Variants in GPC6 observed in about 807,000 individuals in gnomAD.
The protein encoded by GPC6 is glypican-6.
A neutral mutation model predicts 55.2 loss-of-function variants in GPC6; 14 were observed. The observed-to-expected ratio is 0.25, with a 90% CI of 0.17 to 0.40. GPC6 has a LOEUF of 0.40. Ranked by LOEUF, GPC6 falls within the 10% of genes least tolerant of loss-of-function variation. GPC6 has a pLI of 1.00. For synonymous variants in GPC6, 278 were observed against 259.6 expected, an observed-to-expected ratio of 1.07 and a Z score of -0.68; for missense variants, 641 against 708.5, an observed-to-expected ratio of 0.90 and a Z score of 1.08.
At chr13:93,799,569 T>C (rs1216140698) in intron 2 of GPC6, among the ~76,000 whole-genome samples, 1 of 152,090 alleles carries the variant, frequency 6.6e-6, no homozygotes, top group African/African-American at 2.4e-5. Flanking sequence ...TATTGACAGA[T>C]TGTAGAGGGG....
At chr13:94,096,501 A>T (rs967064181) in intron 4 of GPC6, among the ~76,000 whole-genome samples, 1 of 152,104 alleles carries the variant, frequency 6.6e-6, no homozygotes, top group Non-Finnish European at 1.5e-5. Context: ...ATCCATTATC[A>T]CATATGATTT....
chr13:93,456,793 A>G (rs1878469443), intron 1 of GPC6, among the ~76,000 whole-genome samples: 1 of 151,980 alleles, frequency 6.6e-6, no homozygotes, highest in African/African-American at 2.4e-5. Flanking sequence ...TTTGTGGGCA[A>G]TTTCTGGTGT....
In GPC6 at chr13:93,378,996, G is replaced by GAAA. The variant is rs71202582; in HGVS notation, c.160+151391_160+151393dup. 1.8e-3 allele frequency among the ~76,000 whole-genome samples: 248 copies of GAAA among 136,974 alleles called. 2 individuals carry two copies. Among genetic ancestry groups the GAAA allele is most frequent in the Middle Eastern group, 0.015 (4 of 270 alleles). The allele number at this position is 136,974 out of a possible 152,430, so 89.9% of individuals were successfully genotyped here. A position where few individuals can be genotyped will look rare whatever the true frequency, so the allele number is the denominator to read the frequency against. On this transcript the variant is annotated intron_variant, in intron 1 of 8. Transcript: ENST00000377047. Reference sequence around the variant, plus strand: ...GGTGACAAAGCAAAACTCCATCTCAGAAAAAAAAAAAAATCAGCATAAAGG... The same window carrying GAAA: ...GGTGACAAAGCAAAACTCCATCTCAGAAAAAAAAAAAAAAAATCAGCATAAAGG...
chr13:94,398,448 T>C lies in GPC6; in HGVS notation c.1290-18T>C. 6.3e-7 allele frequency: 1 copy of C among 1,599,334 alleles called. No individual in the cohort carries two copies. Among genetic ancestry groups the C allele is most frequent in the Non-Finnish European group, 8.6e-7 (1 of 1,166,786 alleles). On this transcript the variant is annotated intron_variant, in intron 7 of 8. Coordinates refer to ENST00000377047, the MANE Select transcript of GPC6 (RefSeq NM_005708.5). ...TGTGGCATCTCCCTGAGGTGTTCTC[T>C]CACTCTCTGCCTTGCAGATACTTGC...
chr13:93,443,625 A>C (rs1437851152), intron 1 of GPC6, among the ~76,000 whole-genome samples: 2 of 152,176 alleles, frequency 1.3e-5, no homozygotes, highest in African/African-American at 4.8e-5. Flanking sequence ...TTAAAATGAG[A>C]GTGAAATTTT....
intron 4 of GPC6, among the ~76,000 whole-genome samples, chr13:94,029,220 A>C (rs1883020359): frequency 6.6e-6 from 1 of 152,242 alleles, no homozygotes; most frequent in African/African-American, 2.4e-5. Context: ...TTTGCTTAGA[A>C]AGGCCAGAGG....
At chr13:94,146,009 T>C (rs1381014293) in intron 4 of GPC6, among the ~76,000 whole-genome samples, 1 of 152,170 alleles carries the variant, frequency 6.6e-6, no homozygotes, top group East Asian at 1.9e-4. Flanking sequence ...CATAAAAGGA[T>C]CAGATGAATA....
intron 4 of GPC6, among the ~76,000 whole-genome samples, chr13:94,166,615 C>G (rs116533570): frequency 0.018 from 2,677 of 152,262 alleles, 87 homozygotes; most frequent in African/African-American, 0.061. Flanking sequence ...TCCCCCTGCA[C>G]CATACATTAT....
chr13:94,200,360 T>C (rs145670117), intron 4 of GPC6, among the ~76,000 whole-genome samples: 110 of 152,288 alleles, frequency 7.2e-4, no homozygotes, highest in African/African-American at 2.6e-3. Flanking sequence ...GGGTCCTGTA[T>C]AGAGCACATG....
chr13:94,198,664 G>A (rs1889655423), intron 4 of GPC6, among the ~76,000 whole-genome samples: 1 of 152,150 alleles, frequency 6.6e-6, no homozygotes, highest in Non-Finnish European at 1.5e-5. Context: ...ATCTCTGATT[G>A]CAATGCATCT....
chr13:93,744,415 C>T (rs914335225), intron 2 of GPC6, among the ~76,000 whole-genome samples: 9 of 151,958 alleles, frequency 5.9e-5, no homozygotes, highest in Non-Finnish European at 1.3e-4. Context: ...GCCCACTGAC[C>T]TCTCTTCCCA....
In GPC6 at chr13:94,271,185, G is replaced by T. The variant is rs930800449; in HGVS notation, c.878-15164G>T. ...TTTTGTATTTTTTAGTAGAGACGGGGTTTCACCGTGTTAGCCAGGATGGTC... is the reference window on the plus strand; with the variant it reads ...TTTTGTATTTTTTAGTAGAGACGGGTTTTCACCGTGTTAGCCAGGATGGTC... On this transcript the variant is annotated intron_variant, in intron 4 of 8. Transcript: ENST00000377047. Among the ~76,000 whole-genome samples, 15 of 151,152 alleles carry T rather than the reference G, an allele frequency of 9.9e-5. No homozygotes were observed. The East Asian group carries it at 2.4e-3, about 24-fold the overall frequency.
intron 1 of GPC6, among the ~76,000 whole-genome samples, chr13:93,378,365 C>T (rs564684634): frequency 2.0e-5 from 3 of 152,274 alleles, no homozygotes; most frequent in East Asian, 1.9e-4. Context: ...AACATGATGC[C>T]GCTGTTGTTC....
chr13:94,157,301 TAGAG>T (rs986327206), intron 4 of GPC6, among the ~76,000 whole-genome samples: 1 of 152,064 alleles, frequency 6.6e-6, no homozygotes, highest in Non-Finnish European at 1.5e-5. Context: ...ATTTATTTTC[TAGAG>T]AGAGAGAGAA....
chr13:93,410,710 T>G (rs572654834), intron 1 of GPC6, among the ~76,000 whole-genome samples: 1 of 152,316 alleles, frequency 6.6e-6, no homozygotes, highest in East Asian at 1.9e-4. Flanking sequence ...AAGAAAAATC[T>G]TATGAAGTGT....
intron 4 of GPC6, among the ~76,000 whole-genome samples, chr13:94,043,129 C>G (rs915589030): frequency 6.6e-6 from 1 of 151,580 alleles, no homozygotes; most frequent in African/African-American, 2.4e-5. Flanking sequence ...CAAGATATAC[C>G]AGGATCATTT....
intron 1 of GPC6, among the ~76,000 whole-genome samples, chr13:93,464,416 T>G (rs762318699): frequency 3.3e-5 from 5 of 152,158 alleles, no homozygotes; most frequent in Non-Finnish European, 7.3e-5. Context: ...CTTTATCAAC[T>G]CAGTTATGTA....
intron 2 of GPC6, among the ~76,000 whole-genome samples, chr13:93,574,423 G>T (rs577279752): frequency 3.9e-5 from 6 of 152,200 alleles, no homozygotes; most frequent in South Asian, 2.1e-4. Flanking sequence ...TAGGCAGAAG[G>T]GGGGAAGGAT....
intron 4 of GPC6, among the ~76,000 whole-genome samples, chr13:94,201,843 G>A (rs1032370124): frequency 2.0e-5 from 3 of 152,104 alleles, no homozygotes; most frequent in Non-Finnish European, 4.4e-5. Flanking sequence ...CAGCTACTCA[G>A]GAGGCTGAGG....
Sources: allele counts gnomAD v4.1 joint callset (sites outside exome capture counted in the v4.1 genomes callset), GRCh38; gene constraint gnomAD v4.1.1; transcripts MANE v1.5; gene names NCBI Gene and HGNC (gene_info 2026-07-23, HGNC 2026-07-21).